The following BCL2 variants were observed in gnomAD, a reference collection of about 807,000 sequenced individuals.
BCL2 encodes apoptosis regulator Bcl-2.
In BCL2, 1 loss-of-function variant was observed where a neutral mutation model predicts 14.2. The observed-to-expected ratio is 0.07, with a 90% CI of 0.02 to 0.33. BCL2 has a LOEUF of 0.33. BCL2 is among the 10% of genes least tolerant of loss of function. BCL2 has a pLI of 0.99. For synonymous variants in BCL2, 151 were observed against 137.2 expected, an observed-to-expected ratio of 1.10 and a Z score of -0.70; for missense variants, 247 against 305.9, an observed-to-expected ratio of 0.81 and a Z score of 1.44.
intron 2 of BCL2, among the ~76,000 whole-genome samples, chr18:63,132,993 C>G (rs140689896): frequency 1.5e-4 from 23 of 152,298 alleles, no homozygotes; most frequent in African/African-American, 5.3e-4. Flanking sequence ...AAGGCTGGCA[C>G]CGGCTCCTCC....
At chr18:63,130,937 T>C (rs1476891812) in intron 2 of BCL2, among the ~76,000 whole-genome samples, 1 of 152,068 alleles carries the variant, frequency 6.6e-6, no homozygotes, top group Non-Finnish European at 1.5e-5. Context: ...CAGGCAAGAA[T>C]TTAGGGCGAG....
At chr18:63,247,524 TC>T (rs1322522532) in intron 2 of BCL2, among the ~76,000 whole-genome samples, 5 of 152,094 alleles carry the variant, frequency 3.3e-5, no homozygotes, top group South Asian at 2.1e-4. Context: ...ACTTCCTTTA[TC>T]CTTGCAAGTC....
chr18:63,180,412 A>G (rs1915454728), intron 2 of BCL2, among the ~76,000 whole-genome samples: 1 of 152,270 alleles, frequency 6.6e-6, no homozygotes, highest in Non-Finnish European at 1.5e-5. Context: ...TGTGAAACGG[A>G]AAACAAACGG....
At position 63,318,892 on chromosome 18, in the gene BCL2, T is replaced by C; in HGVS notation, c.-226A>G. On this transcript the variant is annotated 5_prime_UTR_variant, in exon 2 of 3. Transcript: ENST00000333681. The surrounding 1 kb of genome is among the most constrained non-coding windows in gnomAD (Gnocchi z 7.4). ...TATTCCAATTCCTTTCGGATCTTTA[T>C]TTCATGAGGCACGTTATTATTAGTA... 7.1e-7 allele frequency: 1 copy of C among 1,412,666 alleles called. No homozygotes were observed. The highest frequency in any genetic ancestry group is 1.6e-5 in the South Asian group (1 of 64,064). The allele number at this position is 1,412,666 out of a possible 1,614,324, so 87.5% of individuals were successfully genotyped here.
intron 2 of BCL2, among the ~76,000 whole-genome samples, chr18:63,233,942 C>A (rs1411494546): frequency 2.0e-5 from 3 of 151,760 alleles, no homozygotes; most frequent in Non-Finnish European, 2.9e-5. Context: ...AGTTGGGGTA[C>A]CTGATTGTTT....
intron 2 of BCL2, among the ~76,000 whole-genome samples, chr18:63,186,613 T>G (rs1319703667): frequency 6.6e-6 from 1 of 152,264 alleles, no homozygotes; most frequent in Non-Finnish European, 1.5e-5. Flanking sequence ...ATTTTTCTTT[T>G]GTTCATGTTG....
chr18:63,315,761 A>G (rs919021730), intron 2 of BCL2: 1 of 152,208 alleles, frequency 6.6e-6, no homozygotes, highest in Non-Finnish European at 1.5e-5. Context: ...AATGACTTTT[A>G]GATTAATAAT....
In BCL2 at chr18:63,125,103, T is replaced by C; in HGVS notation, c.*3522A>G. The C allele has an allele frequency of 4.5e-6, 1 of 221,442 alleles. No individual in the cohort carries two copies. The highest frequency in any genetic ancestry group is 9.0e-6 in the Non-Finnish European group (1 of 110,606). The allele number at this position is 221,442 out of a possible 1,614,324, so 13.7% of individuals were successfully genotyped here. On this transcript the variant is annotated 3_prime_UTR_variant, in exon 3 of 3. Coordinates refer to ENST00000333681, the MANE Select transcript of BCL2 (RefSeq NM_000633.3). The stretch of plus-strand genomic sequence containing the variant: ...TATTTACATTTAATCTTGATTATTA[T>C]AACTCCTCTCGATTTATAATCACTT...
intron 2 of BCL2, among the ~76,000 whole-genome samples, chr18:63,198,291 CAG>C (rs1272670495): frequency 1.3e-5 from 2 of 150,732 alleles, no homozygotes; most frequent in Non-Finnish European, 3.0e-5. Flanking sequence ...CACATAGACA[CAG>C]AGACACACAC....
At chr18:63,256,451 G>A (rs1353678322) in intron 2 of BCL2, among the ~76,000 whole-genome samples, 1 of 152,150 alleles carries the variant, frequency 6.6e-6, no homozygotes, top group Non-Finnish European at 1.5e-5. Flanking sequence ...TTCCGACCTC[G>A]AGTGATCTGC....
intron 2 of BCL2, among the ~76,000 whole-genome samples, chr18:63,203,686 G>GCA (rs139308781): frequency 4.4e-4 from 66 of 149,026 alleles, no homozygotes; most frequent in South Asian, 2.3e-3. Context: ...ATATGCACAC[G>GCA]CACACACACA....
intron 2 of BCL2, among the ~76,000 whole-genome samples, chr18:63,178,367 A>T (rs926737924): frequency 2.6e-5 from 4 of 152,126 alleles, no homozygotes; most frequent in Admixed American, 1.3e-4. Context: ...GTCTCAGGGG[A>T]GGGCGGGGCG....
chr18:63,231,947 T>C (rs1293956979), intron 2 of BCL2, among the ~76,000 whole-genome samples: 1 of 152,014 alleles, frequency 6.6e-6, no homozygotes, highest in Non-Finnish European at 1.5e-5. Flanking sequence ...AATTATGCCA[T>C]AAAATTAAGA....
At chr18:63,178,252 C>T (rs1196499107) in intron 2 of BCL2, among the ~76,000 whole-genome samples, 1 of 152,104 alleles carries the variant, frequency 6.6e-6, no homozygotes, top group Non-Finnish European at 1.5e-5. Context: ...GGCTGTGGTC[C>T]GCCGCTGAAC....
At chr18:63,160,758 A>G (rs1001575581) in intron 2 of BCL2, among the ~76,000 whole-genome samples, 5 of 148,086 alleles carry the variant, frequency 3.4e-5, no homozygotes, top group Non-Finnish European at 5.9e-5. Flanking sequence ...TGACCTGTCA[A>G]AGGGATGGGG....
chr18:63,131,030 G>C lies in BCL2; in HGVS notation c.586-2271C>G, dbSNP rs562618274. On this transcript the variant is annotated intron_variant, in intron 2 of 2. Transcript: ENST00000333681. ...TTTTAGTGGTCATGATTTGGGGTGA[G>C]GGTGCTACTGGTATCTAGTGGGCAG... is the stretch of plus-strand genomic sequence containing the variant. 2.0e-5 allele frequency among the ~76,000 whole-genome samples: 3 copies of C among 152,210 alleles called. No individual in the cohort carries two copies. In the South Asian group the frequency reaches 6.2e-4, roughly 32 times the overall value.
chr18:63,274,499 G>T (rs1912095419), intron 2 of BCL2, among the ~76,000 whole-genome samples: 1 of 151,812 alleles, frequency 6.6e-6, no homozygotes. Context: ...TGGCCAGGCT[G>T]GTCTCAAACT....
At chr18:63,313,183 A>G (rs1277923719) in intron 2 of BCL2, among the ~76,000 whole-genome samples, 3 of 152,336 alleles carry the variant, frequency 2.0e-5, no homozygotes, top group Non-Finnish European at 2.9e-5. Context: ...GATGCCTGCA[A>G]CACTAGCCTG....
At chr18:63,170,248 T>G (rs948183062) in intron 2 of BCL2, among the ~76,000 whole-genome samples, 2 of 152,128 alleles carry the variant, frequency 1.3e-5, no homozygotes, top group Admixed American at 1.3e-4. Context: ...ATGGTAAGTG[T>G]GAGCTCTCAT....
Sources: gnomAD v4.1 joint callset for allele counts (sites outside exome capture counted in the v4.1 genomes callset) on GRCh38, gnomAD v4.1.1 for gene constraint, Gnocchi (gnomAD v3.1) non-coding constraint, MANE v1.5 for transcripts, NCBI Gene and HGNC (gene_info 2026-07-23, HGNC 2026-07-21) for gene names.